The following GALNS variants were observed in gnomAD, a reference collection of about 807,000 sequenced individuals.
GALNS encodes N-acetylgalactosamine-6-sulfatase.
GALNS carries 65 observed loss-of-function variants against 65.9 expected under a neutral mutation model. The observed-to-expected ratio is 0.99, with a 90% CI of 0.81 to 1.21. The LOEUF is 1.21. GALNS is among the 50% of genes most tolerant of loss of function. The pLI, the probability that GALNS is intolerant of heterozygous loss-of-function variation, is 0.00. For missense variants in GALNS, 776 were observed against 700.7 expected (o/e 1.11, Z -1.21); for synonymous variants, 346 against 288.9 (o/e 1.20, Z -2.00).
chr16:88,841,884 G>T lies in GALNS; in HGVS notation c.319+13C>A. On this transcript the variant is annotated intron_variant, in intron 3 of 13. Transcript: ENST00000268695. ...CACCCCAAGGGTGTCCCTGGAGGCG[G>T]TGGGCAGCCTACCGTTTCTGGCATG... The T allele has an allele frequency of 2.5e-6, 4 of 1,610,514 alleles. No homozygotes were observed. The highest frequency in any genetic ancestry group is 3.4e-6 in the Non-Finnish European group (4 of 1,178,362).
chr16:88,849,466 TTA>T (rs1267108040), intron 1 of GALNS, among the ~76,000 whole-genome samples: 1 of 152,072 alleles, frequency 6.6e-6, no homozygotes, highest in African/African-American at 2.4e-5. Context: ...TGTATTTTTT[TTA>T]TAGAGATGGG....
rs1176700354 is a variant in GALNS at position 88,841,989 on chromosome 16, A to C, written c.245-18T>G. ...CGCCCTCGCTATGTGGAGGTGACAG[A>C]AACAGAAACTGGATAAGAAGGGTGT... On this transcript the variant is annotated intron_variant, in intron 2 of 13. Transcript: ENST00000268695. 6.2e-7 allele frequency: 1 copy of C among 1,605,960 alleles called. No homozygotes were observed. The highest frequency in any genetic ancestry group is 8.5e-7 in the Non-Finnish European group (1 of 1,175,836).
At chr16:88,837,598 G>A in intron 5 of GALNS, 24 bp downstream of exon 5, 11 of 1,611,026 alleles carry the variant, frequency 6.8e-6, no homozygotes, top group South Asian at 1.1e-5. Flanking sequence ...GGACGTGGGA[G>A]GGGAAGGGGT....
chr16:88,817,382 G>A (rs1259609476), intron 13 of GALNS: 1 of 985,346 alleles, frequency 1.0e-6, no homozygotes, highest in African/African-American at 1.7e-5. Flanking sequence ...GCCTGGTCTT[G>A]TCAGGCTGCA....
intron 13 of GALNS, chr16:88,815,802 A>C: frequency 1.0e-6 from 1 of 985,384 alleles, no homozygotes; most frequent in Non-Finnish European, 1.2e-6. Flanking sequence ...TGGGTGAGGA[A>C]GCTGCTCCCA....
Position 88,856,396 on chromosome 16 carries a change from G to A in GALNS, c.120+362C>T, listed in dbSNP as rs1967883063. 5.4e-5 allele frequency: 38 copies of A among 701,728 alleles called. 4 individuals are homozygous for A. Among genetic ancestry groups the A allele is most frequent in the South Asian group, 5.0e-4 (34 of 67,378 alleles). 43.5% of individuals were successfully genotyped at this position (701,728 alleles called of 1,614,324 possible). A position where few individuals can be genotyped will look rare whatever the true frequency, so the allele number is the denominator to read the frequency against. On this transcript the variant is annotated intron_variant, in intron 1 of 13. Coordinates refer to ENST00000268695, the MANE Select transcript of GALNS (RefSeq NM_000512.5). Reference sequence around the variant, plus strand: ...CGCGCCCACCTTTCCCAAGAGTAGAGGGCGGGAAAGGTCAGACGGGGGAGG... The same window carrying A: ...CGCGCCCACCTTTCCCAAGAGTAGAAGGCGGGAAAGGTCAGACGGGGGAGG...
intron 1 of GALNS, among the ~76,000 whole-genome samples, chr16:88,852,401 G>A (rs1375349758): frequency 6.6e-6 from 1 of 152,134 alleles, no homozygotes; most frequent in African/African-American, 2.4e-5. Context: ...AAAGACCAAA[G>A]GCAGATAAAA....
intron 9 of GALNS, among the ~76,000 whole-genome samples, chr16:88,827,597 T>C (rs1303184710): frequency 6.6e-6 from 1 of 152,084 alleles, no homozygotes; most frequent in Non-Finnish European, 1.5e-5. Flanking sequence ...CAGGTATGTG[T>C]CACTACGCCC....
intron 13 of GALNS, chr16:88,816,182 CAGG>C (rs958514426): frequency 1.0e-6 from 1 of 985,478 alleles, no homozygotes; most frequent in Non-Finnish European, 1.2e-6. Flanking sequence ...CCCCAGTGCC[CAGG>C]AGATGGCAGT....
chr16:88,855,379 G>A (rs1967761787), intron 1 of GALNS: 4 of 702,678 alleles, frequency 5.7e-6, no homozygotes, highest in Non-Finnish European at 1.0e-5. Context: ...CACTGGCCCA[G>A]AGGAACTTCA....
chr16:88,829,844 GAC>G (rs1373507904), intron 9 of GALNS, among the ~76,000 whole-genome samples: 2 of 152,372 alleles, frequency 1.3e-5, no homozygotes, highest in East Asian at 1.9e-4. Context: ...TGAGGCGGCA[GAC>G]ACAACGCAGG....
chr16:88,815,768 T>C (rs1909556484), intron 13 of GALNS: 3 of 985,412 alleles, frequency 3.0e-6, no homozygotes, highest in Non-Finnish European at 3.6e-6. Flanking sequence ...CCTGCCCCCT[T>C]GGCCACCAGA....
At chr16:88,822,735 G>C (rs200956302) in intron 11 of GALNS, 25 bp from the exon 12 acceptor site, 2 of 1,609,254 alleles carry the variant, frequency 1.2e-6, no homozygotes, top group African/African-American at 2.7e-5. Flanking sequence ...GGGAAGGTGT[G>C]TCCTGGAGCC....
Position 88,841,145 on chromosome 16 carries a change from C to T in GALNS, c.320-51G>A, listed in dbSNP as rs748975186. 4.3e-6 allele frequency: 6 copies of T among 1,383,826 alleles called. No homozygotes were observed. In the East Asian group the frequency reaches 6.9e-5, roughly 16 times the overall value. The allele number at this position is 1,383,826 out of a possible 1,614,324, so 85.7% of individuals were successfully genotyped here. A position where few individuals can be genotyped will look rare whatever the true frequency, so the allele number is the denominator to read the frequency against. ...CCGAGGAGACCCCGAGAAGCTGCCA[C>T]CAACCCCATCCTAACAGGACACTGG... On this transcript the variant is annotated intron_variant, in intron 3 of 13. Transcript: ENST00000268695.
At chr16:88,816,956 G>A (rs572480442) in intron 13 of GALNS, 147 of 985,320 alleles carry the variant, frequency 1.5e-4, no homozygotes, top group Non-Finnish European at 1.6e-4. Context: ...GGCTGGGCTC[G>A]GCCATCTCCA....
chr16:88,836,381 C>A, intron 5 of GALNS, 114 bp from the exon 6 acceptor site: 1 of 859,036 alleles, frequency 1.2e-6, no homozygotes, highest in Non-Finnish European at 1.9e-6. Flanking sequence ...TAGGGCTGGG[C>A]GTCATGGCTC....
chr16:88,837,437 T>C (rs1432783580), intron 5 of GALNS, among the ~76,000 whole-genome samples, 185 bp downstream of exon 5: 1 of 152,144 alleles, frequency 6.6e-6, no homozygotes, highest in Non-Finnish European at 1.5e-5. Flanking sequence ...AGGAGTCTCA[T>C]AGGCTCTGGG....
At chr16:88,837,108 T>G (rs1912219697) in intron 5 of GALNS, among the ~76,000 whole-genome samples, 1 of 152,046 alleles carries the variant, frequency 6.6e-6, no homozygotes, top group Non-Finnish European at 1.5e-5. Flanking sequence ...TTAAGCAAAA[T>G]AAAATTCACA....
Position 88,843,010 on chromosome 16 carries a change from C to T in GALNS, c.121-181G>A, listed in dbSNP as rs375766001. On this transcript the variant is annotated intron_variant, in intron 1 of 13. Transcript: ENST00000268695. ...CGCCTGCGTGCGTGCACGATGGGGC[C>T]GCTCCACGCCAGCCCAAACCTCAGC... 2.8e-5 allele frequency: 43 copies of T among 1,526,086 alleles called. No individual in the cohort carries two copies. The East Asian group carries it at 3.4e-4, about 12-fold the overall frequency. 94.5% of individuals were successfully genotyped at this position (1,526,086 alleles called of 1,614,324 possible).
Sources: allele counts gnomAD v4.1 joint callset (sites outside exome capture counted in the v4.1 genomes callset), GRCh38; gene constraint gnomAD v4.1.1; transcripts MANE v1.5; gene names NCBI Gene and HGNC (gene_info 2026-07-23, HGNC 2026-07-21).